Variants in DACH2 observed in about 807,000 individuals in gnomAD.
DACH2 encodes the protein dachshund homolog 2.
In DACH2, 17 loss-of-function variants were observed where a neutral mutation model predicts 35.8. The ratio of observed to expected loss-of-function variants is 0.48; its 90% confidence interval spans 0.33 to 0.71. The LOEUF (loss-of-function observed/expected upper bound fraction) is 0.71. Ranked by LOEUF, DACH2 falls within the 30% of genes least tolerant of loss-of-function variation. The pLI is 0.02. For missense variants in DACH2, 469 were observed against 472.7 expected, an observed-to-expected ratio of 0.99 and a Z score of 0.07; for synonymous variants, 195 against 177.3, an observed-to-expected ratio of 1.10 and a Z score of -0.79.
At chrX:86,628,597 G>A (rs7891449) in intron 3 of DACH2, among the ~76,000 whole-genome samples, 14,023 of 112,148 alleles carry the variant, frequency 0.13, 753 homozygotes, top group East Asian at 0.32. Context: ...ATTTCTGGAT[G>A]TATTGCTGGA....
chrX:86,741,180 G>A (rs889120879), intron 7 of DACH2, among the ~76,000 whole-genome samples: 1 of 111,701 alleles, frequency 9.0e-6, no homozygotes, highest in East Asian at 2.8e-4. Context: ...TTTCTTGGGG[G>A]AAGAGAAATT....
At chrX:86,299,347 C>G (rs1295684561) in intron 1 of DACH2, among the ~76,000 whole-genome samples, 1 of 111,385 alleles carries the variant, frequency 9.0e-6, no homozygotes, top group Non-Finnish European at 1.9e-5. Context: ...TTCCATGCCC[C>G]CAATGAGGGG....
At chrX:86,409,305 T>A (rs1161462422) in intron 2 of DACH2, among the ~76,000 whole-genome samples, 2 of 111,176 alleles carry the variant, frequency 1.8e-5, no homozygotes, top group Non-Finnish European at 1.9e-5. Flanking sequence ...GCACATGGAG[T>A]AGTAATATGG....
At chrX:86,637,246 A>AAAAAAAT (rs2040282352) in intron 3 of DACH2, among the ~76,000 whole-genome samples, 1 of 81,849 alleles carries the variant, frequency 1.2e-5, no homozygotes, top group Non-Finnish European at 2.3e-5. Context: ...AAAAAAAAAA[A>AAAAAAAT]CAGATGCTGG....
intron 3 of DACH2, among the ~76,000 whole-genome samples, chrX:86,584,948 A>G (rs2039550276): frequency 9.0e-6 from 1 of 110,950 alleles, no homozygotes; most frequent in Admixed American, 9.7e-5. Flanking sequence ...GAAGGCCTCC[A>G]CCTGAATCTA....
intron 2 of DACH2, among the ~76,000 whole-genome samples, chrX:86,411,036 A>ATATATATATATATATATATATGTATG: frequency 1.3e-5 from 1 of 79,948 alleles, no homozygotes; most frequent in South Asian, 6.7e-4. Flanking sequence ...ATATATATAT[A>ATATATATATATATATATATATGTATG]TATGTATATA....
At position 86,736,429 on chromosome X, in the gene DACH2, AAAG is replaced by A. The variant is rs201978273; in HGVS notation, c.1105-3314_1105-3312del. Among the ~76,000 whole-genome samples, 1,065 of 112,030 alleles carry A rather than the reference AAAG, an allele frequency of 9.5e-3. 8 individuals carry two copies. Among genetic ancestry groups the A allele is most frequent in the African/African-American group, 0.032 (996 of 30,987 alleles). On this transcript the variant is annotated intron_variant, in intron 6 of 11. Coordinates refer to ENST00000373125, the MANE Select transcript of DACH2 (RefSeq NM_053281.3). The stretch of plus-strand genomic sequence containing the variant: ...TTACATAATATGCTGCTGAAAATGC[AAAG>A]AAGGAGTTTCAGCATAAATTATTGG...
At chrX:86,710,777 C>CTTGTATTTTA (rs954498265) in intron 5 of DACH2, among the ~76,000 whole-genome samples, 6 of 111,085 alleles carry the variant, frequency 5.4e-5, no homozygotes, top group African/African-American at 1.6e-4. Flanking sequence ...AATAAAAATG[C>CTTGTATTTTA]TTGTATTTTA....
chrX:86,342,573 G>A (rs753431154), intron 1 of DACH2, among the ~76,000 whole-genome samples: 16 of 109,542 alleles, frequency 1.5e-4, no homozygotes, highest in Admixed American at 1.4e-3. Flanking sequence ...TTGGGAGGCT[G>A]AGGCAGACAG....
rs1854754595 is a variant in DACH2 at position 86,149,931 on chromosome X, C to G, written c.488+823C>G. 2.7e-5 allele frequency among the ~76,000 whole-genome samples: 3 copies of G among 111,768 alleles called. No homozygotes were observed. The South Asian group carries it at 1.1e-3, about 42-fold the overall frequency. ...AGATTTCTAGAGAGGATGCTCTCAG[C>G]TCTTCCAGGCGAACAGTTGGAAGGA... On this transcript the variant is annotated intron_variant, in intron 1 of 11. Coordinates refer to ENST00000373125, the MANE Select transcript of DACH2 (RefSeq NM_053281.3).
chrX:86,624,065 A>C (rs889903090), intron 3 of DACH2, among the ~76,000 whole-genome samples: 46 of 104,520 alleles, frequency 4.4e-4, no homozygotes, highest in South Asian at 2.6e-3. Flanking sequence ...CAAAACAAAA[A>C]AAAAAAAAAA....
intron 3 of DACH2, among the ~76,000 whole-genome samples, chrX:86,551,159 G>A (rs2039043955): frequency 9.0e-6 from 1 of 111,649 alleles, no homozygotes; most frequent in Non-Finnish European, 1.9e-5. Flanking sequence ...TAACTTCATA[G>A]GAATTGCTTT....
intron 6 of DACH2, 24 bp downstream of exon 6, chrX:86,714,744 G>C (rs1381538570): frequency 1.8e-6 from 2 of 1,106,323 alleles, no homozygotes; most frequent in Non-Finnish European, 2.4e-6. Flanking sequence ...TTTAGAAAAG[G>C]ACAAAGGTGT....
rs61713614 is a variant in DACH2 at position 86,296,380 on chromosome X, C to CA, written c.489-80414dup. ...TGGGCCACAGAGCGAGACTCCATCT[C>CA]AAAAAAAAAAAAAAAAAAAAAAAAA... On this transcript the variant is annotated intron_variant, in intron 1 of 11. Transcript: ENST00000373125. Among the ~76,000 whole-genome samples the CA allele has an allele frequency of 9.8e-3, 668 of 68,290 alleles. 28 individuals are homozygous for CA. Among genetic ancestry groups the CA allele is most frequent in the African/African-American group, 0.025 (484 of 19,660 alleles). 59.3% of individuals were successfully genotyped at this position (68,290 alleles called of 115,157 possible).
At chrX:86,228,411 T>A (rs952991046) in intron 1 of DACH2, among the ~76,000 whole-genome samples, 42 of 108,135 alleles carry the variant, frequency 3.9e-4, no homozygotes, top group African/African-American at 1.4e-3. Flanking sequence ...TATGCAAGTA[T>A]CTTTTTCAAA....
chrX:86,667,499 G>GAAAGAA (rs1220659719), intron 4 of DACH2, among the ~76,000 whole-genome samples: 7 of 42,233 alleles, frequency 1.7e-4, no homozygotes, highest in East Asian at 8.9e-4. Context: ...AAGAAAGAAA[G>GAAAGAA]AGAAAGAAAG....
chrX:86,717,758 A>T (rs950860781), intron 6 of DACH2, among the ~76,000 whole-genome samples: 16 of 104,427 alleles, frequency 1.5e-4, no homozygotes, highest in African/African-American at 5.5e-4. Context: ...ATATATATAT[A>T]TATATACATA....
intron 3 of DACH2, among the ~76,000 whole-genome samples, chrX:86,574,237 C>G (rs1232580429): frequency 9.0e-6 from 1 of 111,059 alleles, no homozygotes; most frequent in African/African-American, 3.3e-5. Flanking sequence ...TCCTGGTAAT[C>G]TAAACCTGGG....
intron 1 of DACH2, chrX:86,184,184 C>G: frequency 5.6e-6 from 1 of 178,091 alleles, no homozygotes; most frequent in South Asian, 6.6e-5. Context: ...TTCAGTTCTG[C>G]TTTTATCTTG....
Sources: gnomAD v4.1 joint callset for allele counts (sites outside exome capture counted in the v4.1 genomes callset) on GRCh38, gnomAD v4.1.1 for gene constraint, MANE v1.5 for transcripts, NCBI Gene and HGNC (gene_info 2026-07-23, HGNC 2026-07-21) for gene names.